Variants in POLN observed in about 807,000 individuals in gnomAD.
The protein encoded by POLN is DNA polymerase N.
POLN carries 108 observed loss-of-function variants against 113.5 expected under a neutral mutation model. The observed-to-expected ratio is 0.95, with a 90% CI of 0.81 to 1.12. The LOEUF is 1.12. POLN is among the 50% of genes most tolerant of loss of function. POLN has a pLI of 0.00. For missense variants in POLN, 1,097 were observed against 1,077.1 expected (o/e 1.02, Z -0.26); for synonymous variants, 386 against 391.5 (o/e 0.99, Z 0.17).
chr4:2,238,719 G>C, intron 2 of POLN: 1 of 1,613,460 alleles, frequency 6.2e-7, no homozygotes, highest in Non-Finnish European at 8.5e-7. Flanking sequence ...CTTTGACTAA[G>C]TTCTTGAACC....
chr4:2,098,345 G>C (rs1730845629), intron 19 of POLN, among the ~76,000 whole-genome samples: 1 of 152,166 alleles, frequency 6.6e-6, no homozygotes, highest in Non-Finnish European at 1.5e-5. Context: ...CTTGAGCCTG[G>C]GAGGTTGAGG....
chr4:2,125,556 C>A (rs1194175154), intron 19 of POLN, among the ~76,000 whole-genome samples: 4 of 152,190 alleles, frequency 2.6e-5, no homozygotes, highest in African/African-American at 9.7e-5. Context: ...CTGCCACCAC[C>A]TTGCAACTTC....
rs73796902 is a variant in POLN, at chr4:2,197,853, G to A, written c.908+671C>T. ...ATTGCCTCTTCCAGGGTGGCTAATT[G>A]GCCTTAAATCAGAGGGCTGGGAAGG... On this transcript the variant is annotated intron_variant, in intron 6 of 25. Transcript: ENST00000511885. Among the ~76,000 whole-genome samples the A allele has an allele frequency of 2.1e-3, 314 of 152,236 alleles. 1 individual carries two copies. The highest frequency in any genetic ancestry group is 7.1e-3 in the African/African-American group (295 of 41,554).
At chr4:2,072,934 C>G (rs1302497119) in intron 25 of POLN, 34 bp downstream of exon 25, 2 of 1,609,910 alleles carry the variant, frequency 1.2e-6, no homozygotes, top group Non-Finnish European at 1.7e-6. Context: ...ACCCTGGGCT[C>G]CGGAAGACCG....
In POLN at chr4:2,238,725, G is replaced by C. The variant is rs765149993; in HGVS notation, c.-13+2795C>G. 11 of 1,613,512 alleles carry C rather than the reference G, an allele frequency of 6.8e-6. No individual in the cohort carries two copies. Among genetic ancestry groups the C allele is most frequent in the Middle Eastern group, 1.6e-4 (1 of 6,080 alleles). Reference sequence around the variant, plus strand: ...ATCATGTTACTTTGACTAAGTTCTTGAACCAAATTTTCAAGTTGACGATAT... The same window carrying C: ...ATCATGTTACTTTGACTAAGTTCTTCAACCAAATTTTCAAGTTGACGATAT... On this transcript the variant is annotated intron_variant, in intron 2 of 25. Coordinates refer to ENST00000511885, the MANE Select transcript of POLN (RefSeq NM_181808.4).
intron 13 of POLN, among the ~76,000 whole-genome samples, chr4:2,162,421 G>A (rs1347029091): frequency 6.6e-6 from 1 of 152,152 alleles, no homozygotes; most frequent in Non-Finnish European, 1.5e-5. Context: ...ACAAACTCCA[G>A]ACGCGCCACC....
At position 2,072,057 on chromosome 4, in the gene POLN, G is replaced by A. The variant is rs1730156220; in HGVS notation, c.*57C>T. On this transcript the variant is annotated 3_prime_UTR_variant, in exon 26 of 26. Coordinates refer to ENST00000511885, the MANE Select transcript of POLN (RefSeq NM_181808.4). ...GGCGTACAGAGCTGGTGACCTTGGGGAAGGCCACACAATGGACTGCTGGAA... is the reference window on the plus strand; with the variant it reads ...GGCGTACAGAGCTGGTGACCTTGGGAAAGGCCACACAATGGACTGCTGGAA... 6.3e-7 allele frequency: 1 copy of A among 1,579,150 alleles called. No homozygotes were observed. Among genetic ancestry groups the A allele is most frequent in the Non-Finnish European group, 8.7e-7 (1 of 1,149,140 alleles).
At position 2,123,214 on chromosome 4, in the gene POLN, C is replaced by T. The variant is rs1295974253; in HGVS notation, c.1982+4899G>A. Among the ~76,000 whole-genome samples, 5 of 151,534 alleles carry T rather than the reference C, an allele frequency of 3.3e-5. No individual in the cohort carries two copies. In the South Asian group the frequency reaches 6.3e-4, roughly 19 times the overall value. The stretch of plus-strand genomic sequence containing the variant: ...CAAACCAAACCAAACCTCAGCTGGG[C>T]GTGGTGGTTCACACCTGTAATCTCA... On this transcript the variant is annotated intron_variant, in intron 19 of 25. Transcript: ENST00000511885.
intron 20 of POLN, chr4:2,090,331 C>G (rs186161361): frequency 1.3e-6 from 1 of 798,370 alleles, no homozygotes; most frequent in Non-Finnish European, 2.1e-6. Flanking sequence ...TCATCTGGCA[C>G]AGCATCTCCA....
In POLN at chr4:2,191,579, G is replaced by T. The variant is rs143520439; in HGVS notation, c.1021+1625C>A. ...TTTGATTATTACACATTATATGAAT[G>T]TATCAAAATATCACAAGTTCCCCCA... On this transcript the variant is annotated intron_variant, in intron 7 of 25. Coordinates refer to ENST00000511885, the MANE Select transcript of POLN (RefSeq NM_181808.4). Among the ~76,000 whole-genome samples the T allele has an allele frequency of 5.9e-3, 897 of 152,032 alleles. 16 individuals are homozygous for T. The highest frequency in any genetic ancestry group is 6.2e-3 in the Non-Finnish European group (421 of 67,988).
intron 23 of POLN, chr4:2,078,463 T>G: frequency 9.0e-6 from 6 of 667,068 alleles, no homozygotes; most frequent in Non-Finnish European, 1.1e-5. Context: ...GCCAGATGAA[T>G]CTTCTTCTTC....
intron 13 of POLN, among the ~76,000 whole-genome samples, chr4:2,162,587 G>A (rs1732627016): frequency 6.6e-6 from 1 of 152,166 alleles, no homozygotes; most frequent in South Asian, 2.1e-4. Flanking sequence ...CTCCAGAGTA[G>A]CTGGGACTAC....
At chr4:2,240,228 A>G (rs893140853) in intron 2 of POLN, 1 of 1,613,854 alleles carries the variant, frequency 6.2e-7, no homozygotes, top group Non-Finnish European at 8.5e-7. Context: ...TATATCTAAA[A>G]GTTGAAAATT....
At chr4:2,111,227 A>G (rs1449433353) in intron 19 of POLN, among the ~76,000 whole-genome samples, 1 of 152,216 alleles carries the variant, frequency 6.6e-6, no homozygotes, top group Non-Finnish European at 1.5e-5. Context: ...TTAGGTATTG[A>G]TGGGACGTAT....
chr4:2,112,626 C>T (rs1430461689), intron 19 of POLN, among the ~76,000 whole-genome samples: 2 of 152,152 alleles, frequency 1.3e-5, no homozygotes, highest in Non-Finnish European at 2.9e-5. Flanking sequence ...CAAAAAAACA[C>T]ATGAAAAAAT....
intron 2 of POLN, 26 bp from the exon 3 acceptor site, chr4:2,229,269 A>C: frequency 6.6e-7 from 1 of 1,523,426 alleles, no homozygotes; most frequent in Non-Finnish European, 8.9e-7. Context: ...ACATAAGATA[A>C]ATCCCATATA....
intron 25 of POLN, 147 bp downstream of exon 25, chr4:2,072,821 G>C (rs371747944): frequency 1.3e-6 from 1 of 793,012 alleles, no homozygotes; most frequent in African/African-American, 1.7e-5. Context: ...CTTCAGGGAC[G>C]GTCCAGCCTC....
intron 21 of POLN, 116 bp downstream of exon 21, chr4:2,085,497 C>G: frequency 7.4e-7 from 1 of 1,349,776 alleles, no homozygotes. Context: ...TTCACCCAGG[C>G]CCCCAAACCA....
At position 2,179,296 on chromosome 4, in the gene POLN, T is replaced by C; in HGVS notation, c.1179+12A>G. On this transcript the variant is annotated intron_variant, in intron 8 of 25. Transcript: ENST00000511885. Reference sequence around the variant, plus strand: ...TATTAAGGTTGATAAAACTTTATCTTAAACAACTCACCACAATATTTCTTG... The same window carrying C: ...TATTAAGGTTGATAAAACTTTATCTCAAACAACTCACCACAATATTTCTTG... 1 of 1,606,342 alleles carries C rather than the reference T, an allele frequency of 6.2e-7. No homozygotes were observed. The highest frequency in any genetic ancestry group is 8.5e-7 in the Non-Finnish European group (1 of 1,176,272).
Sources: gnomAD v4.1 joint callset for allele counts (sites outside exome capture counted in the v4.1 genomes callset) on GRCh38, gnomAD v4.1.1 for gene constraint, MANE v1.5 for transcripts, NCBI Gene and HGNC (gene_info 2026-07-23, HGNC 2026-07-21) for gene names.